ASRGL1: variants seen among roughly 807,000 people sequenced by gnomAD.
ASRGL1 encodes asparaginase and isoaspartyl peptidase 1.
Under a neutral mutation model 22.4 loss-of-function variants are expected in ASRGL1, and 16 were observed. The ratio of observed to expected loss-of-function variants is 0.71; its 90% confidence interval spans 0.48 to 1.08. The LOEUF (loss-of-function observed/expected upper bound fraction) is 1.08. ASRGL1 is among the 50% of genes least tolerant of loss of function. The pLI is 0.00. For missense variants in ASRGL1, 412 were observed against 410.1 expected (o/e 1.00, Z -0.04); for synonymous variants, 165 against 159.3 (o/e 1.04, Z -0.27).
rs776161026 is a variant in ASRGL1, at chr11:62,358,149, G to GC, written c.491+1007dup. On this transcript the variant is annotated intron_variant, in intron 4 of 6. Coordinates refer to ENST00000415229, the MANE Select transcript of ASRGL1 (RefSeq NM_001083926.2). Reference sequence around the variant, plus strand: ...TTTGGGAGGCCGAGGCGGACGGATTGCCTCAGCTCAGGAGTTCAAGACCAG... The same window carrying GC: ...TTTGGGAGGCCGAGGCGGACGGATTGCCCTCAGCTCAGGAGTTCAAGACCAG... 2.6e-5 allele frequency among the ~76,000 whole-genome samples: 4 copies of GC among 152,262 alleles called. No homozygotes were observed. The East Asian group carries it at 7.7e-4, about 29-fold the overall frequency.
intron 2 of ASRGL1, among the ~76,000 whole-genome samples, chr11:62,355,493 G>A (rs936538708): frequency 1.3e-5 from 2 of 152,082 alleles, no homozygotes; most frequent in African/African-American, 4.8e-5. Flanking sequence ...CAAAGTGCTG[G>A]AATTACAGGC....
At chr11:62,341,202 T>A (rs1945854846) in intron 2 of ASRGL1, among the ~76,000 whole-genome samples, 1 of 150,514 alleles carries the variant, frequency 6.6e-6, no homozygotes, top group South Asian at 2.1e-4. Context: ...CAGGATTTTT[T>A]TTTTTTTTTT....
rs1054012606 is a variant in ASRGL1 at position 62,361,634 on chromosome 11, C to T, written c.491+4490C>T. Among the ~76,000 whole-genome samples the T allele has an allele frequency of 4.6e-5, 7 of 151,698 alleles. No homozygotes were observed. In the East Asian group the frequency reaches 1.4e-3, roughly 29 times the overall value. ...TCCCGAGTAGCTGGGACTACAGGCG[C>T]ATGCCACCATGCCCGGCTAATTTTT... On this transcript the variant is annotated intron_variant, in intron 4 of 6. Transcript: ENST00000415229.
At chr11:62,374,755 G>A (rs563946333) in intron 4 of ASRGL1, among the ~76,000 whole-genome samples, 12 of 152,226 alleles carry the variant, frequency 7.9e-5, no homozygotes, top group African/African-American at 2.9e-4. Flanking sequence ...CTGACGCCAC[G>A]CGCATCTCTT....
chr11:62,361,296 A>T (rs1247700950), intron 4 of ASRGL1, among the ~76,000 whole-genome samples: 1 of 151,866 alleles, frequency 6.6e-6, no homozygotes, highest in Non-Finnish European at 1.5e-5. Context: ...GGCTCAAGTG[A>T]TCCTCCCATC....
intron 4 of ASRGL1, chr11:62,382,865 C>G (rs1168671392): frequency 1.3e-5 from 2 of 152,238 alleles, no homozygotes; most frequent in Admixed American, 6.5e-5. Context: ...AACAAGCATA[C>G]TGCCTTCAAG....
In ASRGL1 at chr11:62,368,216, A is replaced by G. The variant is rs185369637; in HGVS notation, c.491+11072A>G. Among the ~76,000 whole-genome samples the G allele has an allele frequency of 3.9e-5, 6 of 152,316 alleles. No homozygotes were observed. In the East Asian group the frequency reaches 7.7e-4, roughly 20 times the overall value. ...ATCTCTTACTGTGCCTAATTTATCA[A>G]TTAAACCTTATCATAGGTATGTACA... On this transcript the variant is annotated intron_variant, in intron 4 of 6. Coordinates refer to ENST00000415229, the MANE Select transcript of ASRGL1 (RefSeq NM_001083926.2).
chr11:62,351,667 G>GT (rs916692860), intron 2 of ASRGL1, among the ~76,000 whole-genome samples: 12 of 148,376 alleles, frequency 8.1e-5, no homozygotes, highest in Admixed American at 1.4e-4. Context: ...AAAAAAAATC[G>GT]TTTTTTTTGG....
At chr11:62,367,460 C>T (rs1275595114) in intron 4 of ASRGL1, among the ~76,000 whole-genome samples, 1 of 150,208 alleles carries the variant, frequency 6.7e-6, no homozygotes, top group East Asian at 2.0e-4. Context: ...AGTTGACCAA[C>T]ATGGTGAAAC....
intron 2 of ASRGL1, among the ~76,000 whole-genome samples, chr11:62,339,040 A>G (rs1945803171): frequency 6.6e-6 from 1 of 152,082 alleles, no homozygotes; most frequent in South Asian, 2.1e-4. Context: ...GTAGCAGTCT[A>G]TTGAGAGAAT....
Position 62,360,621 on chromosome 11 carries a change from A to T in ASRGL1, c.491+3477A>T, listed in dbSNP as rs941573748. On this transcript the variant is annotated intron_variant, in intron 4 of 6. Transcript: ENST00000415229. Reference sequence around the variant, plus strand: ...CCAGGGTGACCCACATAAAATTCACAAACAAGACATTACAAAGGTTTTGTT... The same window carrying T: ...CCAGGGTGACCCACATAAAATTCACTAACAAGACATTACAAAGGTTTTGTT... Among the ~76,000 whole-genome samples the T allele has an allele frequency of 2.6e-5, 4 of 152,214 alleles. No individual in the cohort carries two copies. The South Asian group carries it at 8.3e-4, about 32-fold the overall frequency.
intron 5 of ASRGL1, among the ~76,000 whole-genome samples, chr11:62,390,549 A>C (rs1229852767): frequency 6.6e-6 from 1 of 152,242 alleles, no homozygotes; most frequent in Non-Finnish European, 1.5e-5. Flanking sequence ...AAGTAAGCAA[A>C]GACTTGGCTG....
At chr11:62,392,054 T>C (rs751177916) in intron 6 of ASRGL1, 25 bp from the exon 7 acceptor site, 8 of 1,610,164 alleles carry the variant, frequency 5.0e-6, no homozygotes, top group Non-Finnish European at 6.8e-6. Flanking sequence ...ATGTGTGTTG[T>C]TTCTCAACCC....
intron 4 of ASRGL1, chr11:62,371,908 C>T: frequency 7.1e-6 from 4 of 566,890 alleles, no homozygotes; most frequent in South Asian, 4.1e-5. Flanking sequence ...GGGCCGAGAT[C>T]GCGCCACTGC....
chr11:62,378,315 T>C (rs1449177228), intron 4 of ASRGL1, among the ~76,000 whole-genome samples: 2 of 152,322 alleles, frequency 1.3e-5, no homozygotes, highest in African/African-American at 2.4e-5. Flanking sequence ...AGTTAATTAA[T>C]TTGTCTCTCA....
In ASRGL1 at chr11:62,357,000, T is replaced by C; in HGVS notation, c.347T>C (p.Phe116Ser). 6.2e-7 allele frequency: 1 copy of C among 1,604,842 alleles called. No homozygotes were observed. The highest frequency in any genetic ancestry group is 1.7e-4 in the Middle Eastern group (1 of 5,992). ...TTTCTGGCTCAGACACCTCATTGCT[T>C]TCTGACTGACCAAGGCGCAGCGCAG... ...RLVMEKTPHC[F>S]LTDQGAAQFA... The change falls in exon 4 of 7, where the codon TTT becomes TCT. Residue 116 changes from phenylalanine (F) to serine (S), a missense_variant. Coordinates refer to ENST00000415229, the MANE Select transcript of ASRGL1 (RefSeq NM_001083926.2).
At chr11:62,341,363 TA>T (rs1485960523) in intron 2 of ASRGL1, among the ~76,000 whole-genome samples, 1 of 152,040 alleles carries the variant, frequency 6.6e-6, no homozygotes, top group African/African-American at 2.4e-5. Flanking sequence ...CAGGACCAGC[TA>T]ATTTTTAGTA....
intron 4 of ASRGL1, among the ~76,000 whole-genome samples, chr11:62,383,755 C>G (rs933965170): frequency 5.2e-4 from 78 of 151,448 alleles, no homozygotes; most frequent in Admixed American, 1.7e-3. Flanking sequence ...AACCCCATCT[C>G]TACTAAAAAA....
chr11:62,371,231 G>A (rs978129743), intron 4 of ASRGL1: 1 of 1,261,982 alleles, frequency 7.9e-7, no homozygotes, highest in East Asian at 3.1e-5. Context: ...CGGCCCCGCA[G>A]CCGGAAGCGC....
Sources: allele counts gnomAD v4.1 joint callset (sites outside exome capture counted in the v4.1 genomes callset), GRCh38; gene constraint gnomAD v4.1.1; transcripts MANE v1.5; gene names NCBI Gene and HGNC (gene_info 2026-07-23, HGNC 2026-07-21).